The following CCDC62 variants were observed in gnomAD, a reference collection of about 807,000 sequenced individuals.
CCDC62 encodes the protein coiled-coil domain-containing protein 62.
A neutral mutation model predicts 80.8 loss-of-function variants in CCDC62; 72 were observed. The observed-to-expected ratio is 0.89, with a 90% CI of 0.74 to 1.08. CCDC62 has a LOEUF of 1.08. CCDC62 is among the 50% of genes least tolerant of loss of function. CCDC62 has a pLI of 0.00. For missense variants in CCDC62, 704 were observed against 809.4 expected, an observed-to-expected ratio of 0.87 and a Z score of 1.58; for synonymous variants, 286 against 296.5, an observed-to-expected ratio of 0.96 and a Z score of 0.36.
intron 2 of CCDC62, among the ~76,000 whole-genome samples, chr12:122,779,075 A>G (rs1045238217): frequency 1.3e-5 from 2 of 152,252 alleles, no homozygotes; most frequent in Admixed American, 6.5e-5. Flanking sequence ...TATAACATAT[A>G]TAACCCACAT....
chr12:122,804,209 A>G (rs2031460293), intron 9 of CCDC62, among the ~76,000 whole-genome samples: 2 of 152,194 alleles, frequency 1.3e-5, no homozygotes, highest in Admixed American at 1.3e-4. Flanking sequence ...GGAAGGAAGC[A>G]GTTCTAGTGC....
intron 3 of CCDC62, among the ~76,000 whole-genome samples, chr12:122,782,299 T>C (rs1189765180): frequency 1.3e-5 from 2 of 152,246 alleles, no homozygotes; most frequent in Non-Finnish European, 2.9e-5. Context: ...GGCATTATCC[T>C]GTCTTAGAGA....
intron 8 of CCDC62, among the ~76,000 whole-genome samples, chr12:122,800,530 C>G (rs1055060582): frequency 4.0e-5 from 6 of 151,572 alleles, no homozygotes; most frequent in African/African-American, 1.5e-4. Context: ...CAGGTTCAAG[C>G]AATTCTCTTG....
chr12:122,776,361 TA>T lies in CCDC62; in HGVS notation c.37-1129del, dbSNP rs1320950215. ...TACTTCAAAGAAATTATTGTATTAA[TA>T]GATAATATTGTTAGATATAAAAATG... On this transcript the variant is annotated intron_variant, in intron 1 of 12. Transcript: ENST00000253079. 3.9e-5 allele frequency among the ~76,000 whole-genome samples: 6 copies of T among 152,322 alleles called. No homozygotes were observed. The East Asian group carries it at 1.2e-3, about 29-fold the overall frequency.
chr12:122,799,290 A>ATTCG (rs1450362048), intron 8 of CCDC62, among the ~76,000 whole-genome samples: 1 of 152,158 alleles, frequency 6.6e-6, no homozygotes, highest in African/African-American at 2.4e-5. Context: ...GAGATGAATC[A>ATTCG]TTCATTCATC....
At chr12:122,806,874 A>G (rs2031636543) in intron 10 of CCDC62, among the ~76,000 whole-genome samples, 1 of 151,282 alleles carries the variant, frequency 6.6e-6, no homozygotes, top group Admixed American at 6.6e-5. Context: ...AAAAAGAAAA[A>G]GAAAAACAAA....
At chr12:122,819,138 A>G (rs944233279) in intron 11 of CCDC62, among the ~76,000 whole-genome samples, 5 of 152,226 alleles carry the variant, frequency 3.3e-5, no homozygotes, top group Non-Finnish European at 7.3e-5. Flanking sequence ...TTGGGAAGAC[A>G]GAATTTAAAT....
intron 9 of CCDC62, among the ~76,000 whole-genome samples, chr12:122,802,377 G>A (rs980198025): frequency 4.7e-5 from 7 of 148,808 alleles, no homozygotes; most frequent in Non-Finnish European, 8.9e-5. Context: ...TTTGAGACCA[G>A]CATGGGCAAT....
intron 11 of CCDC62, among the ~76,000 whole-genome samples, chr12:122,817,780 CTGTGTGTGTGTGCCTGCACA>C (rs1566089609): frequency 6.6e-6 from 1 of 152,034 alleles, no homozygotes; most frequent in East Asian, 1.9e-4. Flanking sequence ...TAGTGTAGCT[CTGTGTGTGTGTGCCTGCACA>C]TGTGTGTGTG....
intron 10 of CCDC62, 46 bp downstream of exon 10, chr12:122,806,341 C>T: frequency 6.6e-7 from 1 of 1,516,322 alleles, no homozygotes; most frequent in Non-Finnish European, 8.9e-7. Context: ...AGCCAGGCCT[C>T]TCACCAGCTT....
At chr12:122,782,648 GA>G (rs2029937581) in intron 3 of CCDC62, among the ~76,000 whole-genome samples, 1 of 151,900 alleles carries the variant, frequency 6.6e-6, no homozygotes, top group Non-Finnish European at 1.5e-5. Flanking sequence ...AGTAGAGACG[GA>G]GTTTCTCCAT....
At chr12:122,798,409 C>T (rs2031096279) in intron 8 of CCDC62, among the ~76,000 whole-genome samples, 2 of 151,990 alleles carry the variant, frequency 1.3e-5, no homozygotes, top group African/African-American at 2.4e-5. Context: ...TCGAGACCAG[C>T]CTGGCCAACA....
rs563438864 is a variant in CCDC62 at position 122,815,476 on chromosome 12, C to T, written c.2001+2057C>T. On this transcript the variant is annotated intron_variant, in intron 11 of 12. Transcript: ENST00000253079. ...TTTTTTCTTTTTTGAGACGGAGTCT[C>T]GCTCTGTCGCCCAGGCCTTGGTGCC... 8.6e-5 allele frequency among the ~76,000 whole-genome samples: 13 copies of T among 151,596 alleles called. No individual in the cohort carries two copies. The East Asian group carries it at 1.6e-3, about 18-fold the overall frequency.
intron 4 of CCDC62, among the ~76,000 whole-genome samples, 164 bp downstream of exon 4, chr12:122,785,984 A>G (rs918081008): frequency 6.6e-6 from 1 of 152,172 alleles, no homozygotes; most frequent in African/African-American, 2.4e-5. Context: ...GTTTAAAATG[A>G]TGTTCCCAAG....
At chr12:122,812,807 GAAAGAA>G (rs2135580618) in intron 10 of CCDC62, among the ~76,000 whole-genome samples, 2 of 142,574 alleles carry the variant, frequency 1.4e-5, no homozygotes, top group South Asian at 2.4e-4. Context: ...AAGAAAGAAA[GAAAGAA>G]AGAAAGAAAG....
At chr12:122,787,884 AG>A (rs2030366231) in intron 4 of CCDC62, among the ~76,000 whole-genome samples, 1 of 152,174 alleles carries the variant, frequency 6.6e-6, no homozygotes, top group Non-Finnish European at 1.5e-5. Flanking sequence ...TAAGGCTGAA[AG>A]GGATTGACTG....
chr12:122,781,109 A>C, intron 2 of CCDC62, 55 bp from the exon 3 acceptor site: 1 of 1,438,256 alleles, frequency 7.0e-7, no homozygotes, highest in Non-Finnish European at 9.5e-7. Flanking sequence ...CATTTTGAAA[A>C]TAATGCCTTT....
At chr12:122,787,779 A>T (rs978092127) in intron 4 of CCDC62, among the ~76,000 whole-genome samples, 5 of 151,604 alleles carry the variant, frequency 3.3e-5, no homozygotes, top group Non-Finnish European at 5.9e-5. Context: ...GTGTTTTCCT[A>T]GTCTTAGAGA....
chr12:122,786,142 GT>G (rs201859771), intron 4 of CCDC62, among the ~76,000 whole-genome samples: 2 of 151,862 alleles, frequency 1.3e-5, no homozygotes, highest in East Asian at 3.9e-4. Flanking sequence ...TGCTTGAGAG[GT>G]TTTTTTTGTT....
Sources: gnomAD v4.1 joint callset for allele counts (sites outside exome capture counted in the v4.1 genomes callset) on GRCh38, gnomAD v4.1.1 for gene constraint, MANE v1.5 for transcripts, NCBI Gene and HGNC (gene_info 2026-07-23, HGNC 2026-07-21) for gene names.